NPAS3: variants seen among roughly 807,000 people sequenced by gnomAD.
NPAS3 encodes the protein neuronal PAS domain-containing protein 3.
In NPAS3, 14 loss-of-function variants were observed where a neutral mutation model predicts 73.1. The ratio of observed to expected loss-of-function variants is 0.19; its 90% confidence interval spans 0.13 to 0.30. The LOEUF is 0.30. Among genes scored for constraint, NPAS3 ranks in the 10% least tolerant of loss-of-function variants. The pLI, the probability that NPAS3 is intolerant of heterozygous loss-of-function variation, is 1.00. For synonymous variants in NPAS3, 620 were observed against 541.5 expected (o/e 1.14, Z -2.01); for missense variants, 1,096 against 1,250.0 (o/e 0.88, Z 1.86).
At chr14:33,569,053 T>C (rs2139808529) in intron 5 of NPAS3, among the ~76,000 whole-genome samples, 1 of 152,358 alleles carries the variant, frequency 6.6e-6, no homozygotes, top group South Asian at 2.1e-4. Context: ...TTTGTTTCTT[T>C]CTGATATGGC....
intron 4 of NPAS3, among the ~76,000 whole-genome samples, chr14:33,449,717 T>C (rs913617321): frequency 1.3e-4 from 20 of 152,184 alleles, no homozygotes; most frequent in African/African-American, 4.8e-4. Flanking sequence ...AATTATATTT[T>C]TTAAATGTTG....
intron 3 of NPAS3, among the ~76,000 whole-genome samples, chr14:33,309,096 T>A (rs1242308254): frequency 6.6e-6 from 1 of 152,236 alleles, no homozygotes; most frequent in Non-Finnish European, 1.5e-5. Flanking sequence ...GAGTATCCAG[T>A]TGCTACCAGT....
intron 5 of NPAS3, among the ~76,000 whole-genome samples, chr14:33,564,199 G>T (rs1039727233): frequency 3.3e-5 from 5 of 152,030 alleles, no homozygotes; most frequent in Non-Finnish European, 7.4e-5. Context: ...TATTATAAAT[G>T]GTCTTTATTA....
At chr14:33,315,594 T>G (rs35677476) in intron 3 of NPAS3, among the ~76,000 whole-genome samples, 23,842 of 151,600 alleles carry the variant, frequency 0.16, 2,498 homozygotes, top group Middle Eastern at 0.26. Flanking sequence ...TTAGCAGGAT[T>G]GTAAGAGATG....
chr14:33,730,790 G>C (rs754465682), intron 6 of NPAS3, among the ~76,000 whole-genome samples: 2 of 152,192 alleles, frequency 1.3e-5, no homozygotes, highest in Non-Finnish European at 2.9e-5. Flanking sequence ...TATGCCAGTG[G>C]AACAATCTGG....
Position 33,502,318 on chromosome 14 carries a change from C to G in NPAS3, c.469-57803C>G, listed in dbSNP as rs78072866. On this transcript the variant is annotated intron_variant, in intron 4 of 11. Coordinates refer to ENST00000356141, the Ensembl canonical transcript of NPAS3. The stretch of plus-strand genomic sequence containing the variant: ...CTTTTTCCTCCCCTTTTCTTCTCTC[C>G]TCCCAGTGGAGAAGGATCCTTCTAT... Among the ~76,000 whole-genome samples the G allele has an allele frequency of 6.1e-3, 926 of 151,696 alleles. 7 individuals are homozygous for G. The highest frequency in any genetic ancestry group is 0.021 in the African/African-American group (882 of 41,402).
chr14:33,162,021 C>G (rs932007861), intron 2 of NPAS3, among the ~76,000 whole-genome samples: 1 of 152,204 alleles, frequency 6.6e-6, no homozygotes, highest in African/African-American at 2.4e-5. Flanking sequence ...GGCATAGAGT[C>G]CTAGGCTTCT....
At chr14:33,672,495 G>A (rs1041568076) in intron 5 of NPAS3, among the ~76,000 whole-genome samples, 1 of 152,152 alleles carries the variant, frequency 6.6e-6, no homozygotes, top group Admixed American at 6.5e-5. Context: ...TTTGGAAGAG[G>A]TGGTAACAGA....
At chr14:33,584,914 G>T (rs183159462) in intron 5 of NPAS3, among the ~76,000 whole-genome samples, 3 of 152,150 alleles carry the variant, frequency 2.0e-5, no homozygotes. Flanking sequence ...TAAAGACTTG[G>T]TTACCTTGGG....
At chr14:33,653,287 T>G (rs902896623) in intron 5 of NPAS3, among the ~76,000 whole-genome samples, 2 of 152,254 alleles carry the variant, frequency 1.3e-5, no homozygotes, top group African/African-American at 2.4e-5. Flanking sequence ...GCATGGTGCG[T>G]CTTTATCCTG....
chr14:33,621,175 A>G (rs186383769), intron 5 of NPAS3, among the ~76,000 whole-genome samples: 299 of 152,306 alleles, frequency 2.0e-3, no homozygotes, highest in Non-Finnish European at 3.6e-3. Context: ...GAACTCTTAA[A>G]AAGATAAAAA....
chr14:33,659,174 C>A (rs1383422737), intron 5 of NPAS3, among the ~76,000 whole-genome samples: 1 of 152,312 alleles, frequency 6.6e-6, no homozygotes, highest in East Asian at 1.9e-4. Context: ...TATACACTTA[C>A]ACTTAATATA....
At chr14:33,291,948 G>A (rs944751858) in intron 3 of NPAS3, among the ~76,000 whole-genome samples, 13 of 152,330 alleles carry the variant, frequency 8.5e-5, no homozygotes, top group Admixed American at 5.9e-4. Context: ...GAGGCTTGGC[G>A]TAGGGCTGCA....
intron 4 of NPAS3, among the ~76,000 whole-genome samples, chr14:33,386,002 G>T (rs1252558438): frequency 6.6e-6 from 1 of 152,114 alleles, no homozygotes; most frequent in African/African-American, 2.4e-5. Flanking sequence ...TAGGAAGGAA[G>T]TTGTAGTGAT....
chr14:33,045,538 T>C (rs2040479842), intron 1 of NPAS3, among the ~76,000 whole-genome samples: 1 of 152,218 alleles, frequency 6.6e-6, no homozygotes, highest in Non-Finnish European at 1.5e-5. Context: ...CTGCTAATGG[T>C]AGCAAGTATG....
At chr14:33,438,617 A>C (rs1048271934) in intron 4 of NPAS3, among the ~76,000 whole-genome samples, 1 of 152,216 alleles carries the variant, frequency 6.6e-6, no homozygotes, top group African/African-American at 2.4e-5. Context: ...TTAATGGCTC[A>C]GCTGGGGTAT....
At chr14:33,052,561 TA>T in intron 1 of NPAS3, among the ~76,000 whole-genome samples, 1 of 152,330 alleles carries the variant, frequency 6.6e-6, no homozygotes, top group East Asian at 1.9e-4. Flanking sequence ...TAAAACCCTT[TA>T]AAAACGTTGC....
intron 1 of NPAS3, among the ~76,000 whole-genome samples, chr14:33,008,436 G>A (rs775003010): frequency 6.6e-6 from 1 of 152,116 alleles, no homozygotes; most frequent in African/African-American, 2.4e-5. Context: ...AAGCTATAGG[G>A]GAGTGCATAC....
intron 2 of NPAS3, among the ~76,000 whole-genome samples, chr14:33,132,910 A>G (rs1424266602): frequency 2.6e-5 from 4 of 152,162 alleles, no homozygotes; most frequent in Admixed American, 2.6e-4. Flanking sequence ...AACCATGTGA[A>G]GTGGGTATTT....
Sources: allele counts gnomAD v4.1 joint callset (sites outside exome capture counted in the v4.1 genomes callset), GRCh38; gene constraint gnomAD v4.1.1; transcripts MANE v1.5; gene names NCBI Gene and HGNC (gene_info 2026-07-23, HGNC 2026-07-21).